Variants in PCDHGB6 observed in about 807,000 individuals in gnomAD.
The protein encoded by PCDHGB6 is protocadherin gamma-B6.
A neutral mutation model predicts 59.1 loss-of-function variants in PCDHGB6; 51 were observed. The observed-to-expected ratio is 0.86, with a 90% CI of 0.69 to 1.09. The LOEUF (loss-of-function observed/expected upper bound fraction) is 1.09. Ranked by LOEUF, PCDHGB6 falls within the 50% of genes least tolerant of loss-of-function variation. PCDHGB6 has a pLI of 0.00. For synonymous variants in PCDHGB6, 466 were observed against 495.1 expected (o/e 0.94, Z 0.78); for missense variants, 1,148 against 1,205.1 (o/e 0.95, Z 0.70).
chr5:141,475,899 T>A, intron 1 of PCDHGB6: 1 of 574,766 alleles, frequency 1.7e-6, no homozygotes. Flanking sequence ...TGTGTGCCGC[T>A]GTCGGCCAAT....
chr5:141,474,500 C>G (rs183956979), intron 1 of PCDHGB6, among the ~76,000 whole-genome samples: 31 of 152,324 alleles, frequency 2.0e-4, no homozygotes, highest in African/African-American at 6.3e-4. Context: ...CTTCTAATGC[C>G]TATCAGCCCT....
At chr5:141,470,165 G>C (rs559578238) in intron 1 of PCDHGB6, among the ~76,000 whole-genome samples, 1 of 152,276 alleles carries the variant, frequency 6.6e-6, no homozygotes, top group Non-Finnish European at 1.5e-5. Context: ...TCAAATCAAA[G>C]TATGCAAAAT....
At chr5:141,429,523 A>G (rs1009016050) in intron 1 of PCDHGB6, among the ~76,000 whole-genome samples, 1 of 152,174 alleles carries the variant, frequency 6.6e-6, no homozygotes, top group Non-Finnish European at 1.5e-5. Context: ...CAGAGAAAAA[A>G]GCTTAAAAAA....
intron 1 of PCDHGB6, among the ~76,000 whole-genome samples, chr5:141,461,838 T>G (rs1592748714): frequency 6.6e-6 from 1 of 151,980 alleles, no homozygotes; most frequent in African/African-American, 2.4e-5. Context: ...TTCTTTTTTT[T>G]TTGAGACAGA....
chr5:141,501,288 TATACACAC>T (rs1482707793), intron 2 of PCDHGB6, among the ~76,000 whole-genome samples: 1 of 81,228 alleles, frequency 1.2e-5, no homozygotes, highest in African/African-American at 4.9e-5. Flanking sequence ...GATATTCCCT[TATACACAC>T]ACACACACAC....
intron 1 of PCDHGB6, among the ~76,000 whole-genome samples, chr5:141,483,557 G>A (rs141633312): frequency 4.5e-4 from 69 of 152,276 alleles, no homozygotes; most frequent in Admixed American, 1.9e-3. Context: ...GCCATTCACA[G>A]AGACAGTGAA....
At chr5:141,460,848 C>A (rs528601988) in intron 1 of PCDHGB6, among the ~76,000 whole-genome samples, 1 of 150,236 alleles carries the variant, frequency 6.7e-6, no homozygotes, top group African/African-American at 2.4e-5. Context: ...GCCTCCAGTT[C>A]GATCCAAGTT....
In PCDHGB6 at chr5:141,418,244, C is replaced by T. The variant is rs746986702; in HGVS notation, c.2418+7624C>T. 1.3e-5 allele frequency: 21 copies of T among 1,613,980 alleles called. No individual in the cohort carries two copies. The South Asian group carries it at 2.2e-4, about 17-fold the overall frequency. ...TGTGGTGATTGAGGATGTTAATGAC[C>T]ACGCCCCTCAATTCCGGAAAGATGA... is the stretch of plus-strand genomic sequence containing the variant. On this transcript the variant is annotated intron_variant, in intron 1 of 3. Transcript: ENST00000520790.
At chr5:141,510,831 A>T (rs2154594660) in intron 3 of PCDHGB6, 116 bp from the exon 4 acceptor site, 1 of 1,577,022 alleles carries the variant, frequency 6.3e-7, no homozygotes, top group East Asian at 2.2e-5. Context: ...CCCAGTGCTC[A>T]GCGTGGTCAA....
intron 1 of PCDHGB6, among the ~76,000 whole-genome samples, chr5:141,454,829 A>T (rs2098803417): frequency 1.4e-5 from 1 of 70,192 alleles, no homozygotes. Context: ...TTTTTTTGAG[A>T]CAGAGTCGCG....
At chr5:141,438,591 CATATATATATATATATATATAT>C (rs946798767) in intron 1 of PCDHGB6, among the ~76,000 whole-genome samples, 1 of 75,562 alleles carries the variant, frequency 1.3e-5, no homozygotes, top group Middle Eastern at 7.4e-3. Context: ...TACATACATA[CATATATATATATATATATATAT>C]ATATATATAT....
chr5:141,490,157 G>A lies in PCDHGB6; in HGVS notation c.2419-4650G>A. 6.2e-7 allele frequency: 1 copy of A among 1,614,210 alleles called. No homozygotes were observed. On this transcript the variant is annotated intron_variant, in intron 1 of 3. Transcript: ENST00000520790. The surrounding 1 kb of genome is among the most constrained non-coding windows in gnomAD (Gnocchi z 5.4). ...AGCAGTGGGGCAATCCATGTGTTGG[G>A]TCCCATAGACTTTGAGGAGTCACGT...
At chr5:141,499,061 G>A (rs1300036203) in intron 2 of PCDHGB6, among the ~76,000 whole-genome samples, 1 of 151,914 alleles carries the variant, frequency 6.6e-6, no homozygotes, top group African/African-American at 2.4e-5. Flanking sequence ...AAATGAAGAA[G>A]ACTTACATTC....
At chr5:141,437,863 G>A (rs2097915247) in intron 1 of PCDHGB6, among the ~76,000 whole-genome samples, 2 of 151,480 alleles carry the variant, frequency 1.3e-5, no homozygotes, top group African/African-American at 2.4e-5. Context: ...TTAGCCTCCC[G>A]AGTAGCTGGG....
chr5:141,414,986 A>G, intron 1 of PCDHGB6: 4 of 1,613,824 alleles, frequency 2.5e-6, no homozygotes, highest in Non-Finnish European at 3.4e-6. Context: ...GACTCCGGCC[A>G]GAACGCCTGG....
intron 1 of PCDHGB6, chr5:141,428,413 C>A: frequency 2.2e-6 from 1 of 461,904 alleles, no homozygotes; most frequent in Non-Finnish European, 4.0e-6. Context: ...TTGCTTTCAC[C>A]CTGGTCTCTG....
At chr5:141,466,213 C>G (rs2099118871) in intron 1 of PCDHGB6, among the ~76,000 whole-genome samples, 1 of 151,958 alleles carries the variant, frequency 6.6e-6, no homozygotes, top group South Asian at 2.1e-4. Flanking sequence ...CTCTGTTACC[C>G]AGGCTGGAGT....
In PCDHGB6 at chr5:141,511,007, G is replaced by C. The variant is rs780918754; in HGVS notation, c.2627G>C (p.Arg876Pro). Residue 876 changes from arginine to proline, a missense_variant, in exon 4 of 4, where the codon CGC (arginine) becomes CCC (proline). Physicochemically the swap from Arg to Pro is moderately radical, Grantham distance 103. Coordinates refer to ENST00000520790, the MANE Select transcript of PCDHGB6 (RefSeq NM_018926.3). Reference protein sequence around the residue: ...GGAGTMGLSARYGPQFTLQHV... With the variant: ...GGAGTMGLSAPYGPQFTLQHV... ...GCCGGCACCATGGGATTGAGCGCCC[G>C]CTACGGACCCCAGTTCACCCTGCAG... The C allele has an allele frequency of 1.9e-6, 3 of 1,614,042 alleles. No homozygotes were observed. The highest frequency in any genetic ancestry group is 2.7e-5 in the African/African-American group (2 of 74,910).
intron 1 of PCDHGB6, among the ~76,000 whole-genome samples, chr5:141,488,493 C>T (rs1594759823): frequency 6.6e-6 from 1 of 152,226 alleles, no homozygotes; most frequent in East Asian, 1.9e-4. Context: ...AAAACTGTAA[C>T]ACTCATTCCA....
Sources: allele counts gnomAD v4.1 joint callset (sites outside exome capture counted in the v4.1 genomes callset), GRCh38; gene constraint gnomAD v4.1.1; non-coding constraint Gnocchi (gnomAD v3.1); transcripts MANE v1.5; gene names NCBI Gene and HGNC (gene_info 2026-07-23, HGNC 2026-07-21).